Variants in PRDM2 observed in about 807,000 individuals in gnomAD.
The protein encoded by PRDM2 is PR domain zinc finger protein 2.
In PRDM2, 30 loss-of-function variants were observed where a neutral mutation model predicts 130.0. That is an observed-to-expected ratio of 0.23 (90% CI 0.17 to 0.31). The LOEUF is 0.31. PRDM2 is among the 10% of genes least tolerant of loss of function. The pLI is 1.00. For missense variants in PRDM2, 2,011 were observed against 2,108.4 expected, an observed-to-expected ratio of 0.95 and a Z score of 0.90; for synonymous variants, 871 against 782.4, an observed-to-expected ratio of 1.11 and a Z score of -1.89.
intron 8 of PRDM2, among the ~76,000 whole-genome samples, chr1:13,810,569 A>T (rs941421400): frequency 2.0e-5 from 3 of 151,052 alleles, no homozygotes; most frequent in Middle Eastern, 3.2e-3. Context: ...ATCTCGGCTC[A>T]CTGAAAGCTC....
chr1:13,721,888 G>C (rs1642740852), intron 2 of PRDM2, among the ~76,000 whole-genome samples: 1 of 152,244 alleles, frequency 6.6e-6, no homozygotes, highest in Non-Finnish European at 1.5e-5. Context: ...CGGCTTATTT[G>C]TGTTCACTTT....
intron 8 of PRDM2, chr1:13,787,630 C>T (rs926700763): frequency 3.1e-6 from 3 of 968,068 alleles, no homozygotes; most frequent in African/African-American, 3.5e-5. Context: ...GCATTTGTAG[C>T]AATTTAAAAA....
rs533501955 is a variant in PRDM2 at position 13,787,956 on chromosome 1, T to C, written c.5036+5125T>C. The C allele has an allele frequency of 6.4e-5, 63 of 985,422 alleles. 2 individuals carry two copies. The South Asian group carries it at 1.1e-3, about 18-fold the overall frequency. 61.0% of individuals were successfully genotyped at this position (985,422 alleles called of 1,614,324 possible). A position where few individuals can be genotyped will look rare whatever the true frequency, so the allele number is the denominator to read the frequency against. On this transcript the variant is annotated intron_variant, in intron 8 of 9. Transcript: ENST00000311066. ...TTTTCCCCTCCCAGCATTGAAATCA[T>C]TGGGGCTTGTCAGATGTATTAAAAA...
chr1:13,757,510 T>C (rs1643985589), intron 6 of PRDM2, among the ~76,000 whole-genome samples: 1 of 152,234 alleles, frequency 6.6e-6, no homozygotes, highest in Admixed American at 6.5e-5. Context: ...GCACTGGTCT[T>C]GTGTTGAGAC....
chr1:13,757,522 G>C (rs1277716398), intron 6 of PRDM2, among the ~76,000 whole-genome samples: 1 of 152,178 alleles, frequency 6.6e-6, no homozygotes, highest in Non-Finnish European at 1.5e-5. Context: ...TGTTGAGACT[G>C]GGTTAACAGT....
intron 8 of PRDM2, among the ~76,000 whole-genome samples, chr1:13,804,221 T>A (rs1030768714): frequency 1.3e-5 from 2 of 152,134 alleles, no homozygotes; most frequent in Admixed American, 6.5e-5. Flanking sequence ...TTGTCCCCAC[T>A]GTCCCCACCG....
intron 8 of PRDM2, chr1:13,787,298 A>G (rs1644762220): frequency 1.0e-6 from 1 of 984,332 alleles, no homozygotes; most frequent in Non-Finnish European, 1.2e-6. Flanking sequence ...TCTACACGTA[A>G]GTATAAATGA....
At chr1:13,727,410 A>C (rs538336869) in intron 2 of PRDM2, among the ~76,000 whole-genome samples, 41 of 151,988 alleles carry the variant, frequency 2.7e-4, no homozygotes, top group African/African-American at 9.7e-4. Flanking sequence ...ATGAGCCACC[A>C]CGCCCAGCTA....
At chr1:13,792,965 C>T (rs1223935233) in intron 8 of PRDM2, among the ~76,000 whole-genome samples, 1 of 152,236 alleles carries the variant, frequency 6.6e-6, no homozygotes, top group African/African-American at 2.4e-5. Context: ...CAGAGCCAAG[C>T]TCAACTACAA....
Position 13,780,517 on chromosome 1 carries a change from G to A in PRDM2, c.2722G>A (p.Asp908Asn), listed in dbSNP as rs1356581533. 1 of 1,614,182 alleles carries A rather than the reference G, an allele frequency of 6.2e-7. No individual in the cohort carries two copies. Among genetic ancestry groups the A allele is most frequent in the Non-Finnish European group, 8.5e-7 (1 of 1,180,028 alleles). The change falls in exon 8 of 10, where the codon GAT becomes AAT. Residue 908 changes from aspartate to asparagine, a missense_variant. Around this residue, in one of 5 missense-constraint regions of PRDM2, gnomAD observed 1,288 missense variants for 1,237.7 expected, o/e 1.04. Transcript: ENST00000311066. The stretch of plus-strand genomic sequence containing the variant: ...CGATTTACCTGTAGAAAACCCTGCA[G>A]ATGGGACCAGGAGCCCAAGTCCTTG... Reference protein sequence around the residue: ...GIDLPVENPADGTRSPSPCKS... With the variant: ...GIDLPVENPANGTRSPSPCKS...
chr1:13,730,871 GGTCT>G (rs1295021377), intron 2 of PRDM2, 125 bp from the exon 3 acceptor site: 1 of 628,354 alleles, frequency 1.6e-6, no homozygotes, highest in Non-Finnish European at 2.8e-6. Flanking sequence ...TCATCGTTTT[GGTCT>G]GTCTTGCCAG....
At chr1:13,733,032 C>A in intron 4 of PRDM2, 150 bp downstream of exon 4, 1 of 629,522 alleles carries the variant, frequency 1.6e-6, no homozygotes, top group South Asian at 2.2e-5. Context: ...ATGTGTTTCC[C>A]TGGATACAGA....
At chr1:13,792,366 C>T (rs1644853741) in intron 8 of PRDM2, among the ~76,000 whole-genome samples, 1 of 152,142 alleles carries the variant, frequency 6.6e-6, no homozygotes, top group Non-Finnish European at 1.5e-5. Context: ...AAAACAATTT[C>T]AGTGTACAGC....
At chr1:13,763,675 C>G (rs536774721) in intron 6 of PRDM2, among the ~76,000 whole-genome samples, 51 of 152,288 alleles carry the variant, frequency 3.3e-4, no homozygotes, top group Middle Eastern at 3.4e-3. Context: ...CCAATAAAAA[C>G]ATTTTCAATT....
chr1:13,782,553 T>G lies in PRDM2; in HGVS notation c.4758T>G (p.His1586Gln), dbSNP rs148566200. 3 of 1,614,092 alleles carry G rather than the reference T, an allele frequency of 1.9e-6. No homozygotes were observed. The highest frequency in any genetic ancestry group is 2.2e-5 in the South Asian group (2 of 91,086). Residue 1586 changes from histidine (H) to glutamine (Q), a missense_variant, in exon 8 of 10, where the codon CAT becomes CAG. By Grantham distance (24) the His-to-Gln change is conservative. Around this residue, in one of 5 missense-constraint regions of PRDM2, gnomAD observed 410 missense variants for 395.9 expected, o/e 1.04. Coordinates refer to ENST00000311066, the MANE Select transcript of PRDM2 (RefSeq NM_001393986.1). ...SSPIRMAKIT[H>Q]VEGKKPKAVA... is the part of the protein sequence containing the mutation. ...CGATAAGAATGGCCAAAATAACTCA[T>G]GTTGAGGGGAAAAAACCTAAAGCTG...
In PRDM2 at chr1:13,782,532, A is replaced by G. The variant is rs867167125; in HGVS notation, c.4737A>G (p.Ile1579Met). Residue 1579 changes from isoleucine to methionine, a missense_variant, in exon 8 of 10, where the codon ATA becomes ATG. Ile to Met is a conservative substitution (Grantham distance 10, BLOSUM62 1). Transcript: ENST00000311066. ...CCTCTTTAAGGAACTCCAGCCCGAT[A>G]AGAATGGCCAAAATAACTCATGTTG... ...SSSSLRNSSPIRMAKITHVEG... is the reference protein window; with the variant it reads ...SSSSLRNSSPMRMAKITHVEG... 6.2e-7 allele frequency: 1 copy of G among 1,614,168 alleles called. No homozygotes were observed. Among genetic ancestry groups the G allele is most frequent in the Middle Eastern group, 1.6e-4 (1 of 6,062 alleles).
chr1:13,756,262 C>CA (rs1288638873), intron 6 of PRDM2, among the ~76,000 whole-genome samples: 8,245 of 79,402 alleles, frequency 0.1, 306 homozygotes, highest in African/African-American at 0.17. Context: ...GACTCCTTCT[C>CA]AAAAAAAAAA....
intron 8 of PRDM2, among the ~76,000 whole-genome samples, chr1:13,805,886 AC>A (rs1321006512): frequency 2.0e-5 from 3 of 151,920 alleles, no homozygotes; most frequent in Non-Finnish European, 4.4e-5. Context: ...CCACGTGGGG[AC>A]CCTGGAGCCC....
chr1:13,727,403 A>G (rs757164677), intron 2 of PRDM2, among the ~76,000 whole-genome samples: 1 of 152,030 alleles, frequency 6.6e-6, no homozygotes, highest in Admixed American at 6.6e-5. Flanking sequence ...TACAGGCATG[A>G]GCCACCACGC....
Sources: gnomAD v4.1 joint callset for allele counts (sites outside exome capture counted in the v4.1 genomes callset) on GRCh38, gnomAD v4.1.1 for gene constraint, gnomAD v4.1.1 regional missense constraint, MANE v1.5 for transcripts, NCBI Gene and HGNC (gene_info 2026-07-23, HGNC 2026-07-21) for gene names.